CDH23: variants seen among roughly 807,000 people sequenced by gnomAD.
The protein encoded by CDH23 is cadherin related 23.
A neutral mutation model predicts 317.1 loss-of-function variants in CDH23; 189 were observed. The ratio of observed to expected loss-of-function variants is 0.60; its 90% CI spans 0.53 to 0.67. CDH23 has a LOEUF of 0.67. Ranked by LOEUF, CDH23 falls within the 30% of genes least tolerant of loss-of-function variation. The pLI, the probability that CDH23 is intolerant of heterozygous loss-of-function variation, is 0.00. For missense variants in CDH23, 4,401 were observed against 4,592.4 expected (o/e 0.96, Z 1.20); for synonymous variants, 1,839 against 1,876.8 (o/e 0.98, Z 0.52).
At chr10:71,712,500 A>C in intron 27 of CDH23, 165 bp from the exon 28 acceptor site, 1 of 650,694 alleles carries the variant, frequency 1.5e-6, no homozygotes, top group Non-Finnish European at 2.7e-6. Context: ...TGATACTGTT[A>C]GTGTTATTCC....
intron 6 of CDH23, among the ~76,000 whole-genome samples, chr10:71,543,920 C>T (rs996746908): frequency 3.8e-4 from 57 of 151,988 alleles, no homozygotes; most frequent in African/African-American, 1.3e-3. Context: ...TAGAGAGTGC[C>T]CCAATTTGTA....
chr10:71,683,266 G>T (rs1325678211), intron 18 of CDH23, among the ~76,000 whole-genome samples: 1 of 152,244 alleles, frequency 6.6e-6, no homozygotes, highest in African/African-American at 2.4e-5. Flanking sequence ...CCATCTGTGG[G>T]AGACAGCGAA....
intron 38 of CDH23, among the ~76,000 whole-genome samples, chr10:71,762,949 C>T (rs762424960): frequency 3.0e-4 from 46 of 152,204 alleles, no homozygotes; most frequent in Non-Finnish European, 6.3e-4. Context: ...GGTTGACCCT[C>T]AAAACCATGA....
In CDH23 at chr10:71,723,891, C is replaced by T. The variant is rs529958473; in HGVS notation, c.3370-154C>T. On this transcript the variant is annotated intron_variant, in intron 28 of 69. Transcript: ENST00000224721. The stretch of plus-strand genomic sequence containing the variant: ...TTGGGGATTAGAAAGACATACACGT[C>T]CCCTTGTCTCCCACACCCCCAGCCT... 2.2e-4 allele frequency among the ~76,000 whole-genome samples: 33 copies of T among 152,298 alleles called. 1 individual carries two copies. The South Asian group carries it at 6.8e-3, about 32-fold the overall frequency.
chr10:71,594,017 C>A (rs1202869283), intron 9 of CDH23, among the ~76,000 whole-genome samples: 1 of 152,066 alleles, frequency 6.6e-6, no homozygotes, highest in Non-Finnish European at 1.5e-5. Flanking sequence ...TTGCTTGACC[C>A]CAGGAGTTTG....
chr10:71,444,239 C>T (rs1055646631), intron 2 of CDH23, among the ~76,000 whole-genome samples: 2 of 152,246 alleles, frequency 1.3e-5, no homozygotes, highest in Non-Finnish European at 2.9e-5. Context: ...AGTGGCACAG[C>T]GCTAAGCGCT....
intron 38 of CDH23, chr10:71,755,360 G>A (rs1359391512): frequency 6.2e-7 from 1 of 1,604,512 alleles, no homozygotes; most frequent in African/African-American, 1.3e-5. Context: ...AATACTCACG[G>A]CGGTTGGAGG....
intron 1 of CDH23, among the ~76,000 whole-genome samples, chr10:71,398,406 A>C (rs1485525555): frequency 6.7e-6 from 1 of 149,770 alleles, no homozygotes; most frequent in Non-Finnish European, 1.5e-5. Context: ...TTGGATTTTG[A>C]AATAAGCTAG....
At chr10:71,573,989 CT>C (rs1157870093) in intron 8 of CDH23, among the ~76,000 whole-genome samples, 2 of 152,192 alleles carry the variant, frequency 1.3e-5, no homozygotes, top group Non-Finnish European at 2.9e-5. Context: ...GTTTCTGTGC[CT>C]TGATCTGGGC....
intron 64 of CDH23, 32 bp downstream of exon 64, chr10:71,811,622 C>A (rs747029695): frequency 3.7e-6 from 6 of 1,613,636 alleles, no homozygotes; most frequent in Non-Finnish European, 5.1e-6. Context: ...CATCAGGGGG[C>A]CGACCACCTG....
In CDH23 at chr10:71,767,814, G is replaced by A. The variant is rs945138574; in HGVS notation, c.4846-9866G>A. Reference sequence around the variant, plus strand: ...TGTCCATTCACATCAGACCAAGGGGGCTGGGAAGGGGAAGCCAGGCTCTAT... The same window carrying A: ...TGTCCATTCACATCAGACCAAGGGGACTGGGAAGGGGAAGCCAGGCTCTAT... On this transcript the variant is annotated intron_variant, in intron 38 of 69. Coordinates refer to ENST00000224721, the MANE Select transcript of CDH23 (RefSeq NM_022124.6). Among the ~76,000 whole-genome samples, 13 of 152,230 alleles carry A rather than the reference G, an allele frequency of 8.5e-5. No homozygotes were observed. The East Asian group carries it at 2.5e-3, about 29-fold the overall frequency.
At chr10:71,716,140 C>T (rs994140481) in intron 28 of CDH23, 47 of 1,550,054 alleles carry the variant, frequency 3.0e-5, no homozygotes, top group Non-Finnish European at 3.8e-5. Context: ...TGCGGCGGCT[C>T]GGGTCCAGCG....
rs980248520 is a variant in CDH23, at chr10:71,741,614, C to A, written c.4618-80C>A. On this transcript the variant is annotated intron_variant, in intron 37 of 69. Coordinates refer to ENST00000224721, the MANE Select transcript of CDH23 (RefSeq NM_022124.6). ...AGCTTTTGGGAGGTACAGGGGGAGCCTTCGGGCTACAGGAGCAGGTGCCAG... is the reference window on the plus strand; with the variant it reads ...AGCTTTTGGGAGGTACAGGGGGAGCATTCGGGCTACAGGAGCAGGTGCCAG... 94 of 1,259,360 alleles carry A rather than the reference C, an allele frequency of 7.5e-5. No individual in the cohort carries two copies. In the African/African-American group the frequency reaches 1.3e-3, roughly 17 times the overall value. The allele number at this position is 1,259,360 out of a possible 1,614,324, so 78.0% of individuals were successfully genotyped here. A position where few individuals can be genotyped will look rare whatever the true frequency, so the allele number is the denominator to read the frequency against.
At chr10:71,760,798 A>G in intron 38 of CDH23, 1 of 1,470,462 alleles carries the variant, frequency 6.8e-7, no homozygotes, top group South Asian at 1.1e-5. Flanking sequence ...AGTTCCAAAC[A>G]GGGTCTGGGT....
intron 3 of CDH23, 75 bp downstream of exon 3, chr10:71,446,470 T>TA: frequency 7.0e-7 from 1 of 1,429,234 alleles, no homozygotes; most frequent in Non-Finnish European, 9.9e-7. Flanking sequence ...AAGGGGATCT[T>TA]ACAGGTTGAG....
At chr10:71,563,421 G>A (rs1414722928) in intron 6 of CDH23, among the ~76,000 whole-genome samples, 6 of 150,420 alleles carry the variant, frequency 4.0e-5, no homozygotes, top group African/African-American at 1.5e-4. Flanking sequence ...CAAGCCCATT[G>A]TGGAAGGTCT....
At chr10:71,716,336 A>T (rs549962883) in intron 28 of CDH23, 1 of 1,471,552 alleles carries the variant, frequency 6.8e-7, no homozygotes, top group Non-Finnish European at 9.0e-7. Flanking sequence ...CTCTGTGCTC[A>T]TGGCTCCTGC....
rs1840263868 is a variant in CDH23, at chr10:71,759,868, T to TACACACACAC, written c.4846-17811_4846-17810insCACACACACA. 3.1e-5 allele frequency among the ~76,000 whole-genome samples: 3 copies of TACACACACAC among 95,868 alleles called. 1 individual carries two copies. The Admixed American group carries it at 3.5e-4, about 11-fold the overall frequency. 62.9% of individuals were successfully genotyped at this position (95,868 alleles called of 152,430 possible). On this transcript the variant is annotated intron_variant, in intron 38 of 69. Transcript: ENST00000224721. ...ACACATATACACACACACACACATA[T>TACACACACAC]ATATACACACACACACATATACACA... is the stretch of plus-strand genomic sequence containing the variant.
rs1841529858 is a variant in CDH23 at position 71,800,570 on chromosome 10, A to G, written c.7363-66A>G. On this transcript the variant is annotated intron_variant, in intron 52 of 69. Transcript: ENST00000224721. ...CCAGAGCCCATAACAGCATCTGGCCATAGTAGGTGCTCAATAAATATCTTT... is the reference window on the plus strand; with the variant it reads ...CCAGAGCCCATAACAGCATCTGGCCGTAGTAGGTGCTCAATAAATATCTTT... 28 of 1,538,878 alleles carry G rather than the reference A, an allele frequency of 1.8e-5. No individual in the cohort carries two copies. The South Asian group carries it at 3.0e-4, about 17-fold the overall frequency.
Sources: gnomAD v4.1 joint callset for allele counts (sites outside exome capture counted in the v4.1 genomes callset) on GRCh38, gnomAD v4.1.1 for gene constraint, MANE v1.5 for transcripts, NCBI Gene and HGNC (gene_info 2026-07-23, HGNC 2026-07-21) for gene names.